CDK18: variants seen among roughly 807,000 people sequenced by gnomAD.
CDK18 encodes cyclin-dependent kinase 18.
In CDK18, 52 loss-of-function variants were observed where a neutral mutation model predicts 62.0. The ratio of observed to expected loss-of-function variants is 0.84; its 90% confidence interval spans 0.67 to 1.06. The LOEUF (loss-of-function observed/expected upper bound fraction) is 1.06, where lower values mean the gene tolerates loss of function less well. CDK18 is among the 50% of genes least tolerant of loss of function. CDK18 has a pLI of 0.00. For synonymous variants in CDK18, 237 were observed against 247.0 expected, an observed-to-expected ratio of 0.96 and a Z score of 0.38; for missense variants, 604 against 619.9, an observed-to-expected ratio of 0.97 and a Z score of 0.27.
At chr1:205,523,046 G>A in intron 1 of CDK18, 101 bp from the exon 2 acceptor site, 3 of 1,321,044 alleles carry the variant, frequency 2.3e-6, no homozygotes, top group Non-Finnish European at 3.1e-6. Context: ...GTGGCATACA[G>A]GGCGACAGAG....
Position 205,528,052 on chromosome 1 carries a change from GGC to G in CDK18, c.859_860del (p.Ala287GlnfsTer13). ...CAGTGACATGTCTGCCCCCAGGACTGGCCAGGGCCAAGTCAGTGCCCACAAAG... is the reference window on the plus strand; with the variant it reads ...CAGTGACATGTCTGCCCCCAGGACTGCAGGGCCAAGTCAGTGCCCACAAAG... ...GELKLADFGL[A>X]RAKSVPTKTY... On this transcript the variant is annotated frameshift_variant, in exon 10 of 16. Transcript: ENST00000429964. LOFTEE classifies it high-confidence loss of function. The surrounding 1 kb of genome is among the most constrained non-coding windows in gnomAD (Gnocchi z 4.2). The G allele has an allele frequency of 1.9e-6, 3 of 1,614,172 alleles. No homozygotes were observed. Among genetic ancestry groups the G allele is most frequent in the Non-Finnish European group, 2.5e-6 (3 of 1,180,004 alleles).
At position 205,526,845 on chromosome 1, in the gene CDK18, C is replaced by A. The variant is rs772705853; in HGVS notation, c.729+8C>A. The A allele has an allele frequency of 6.2e-7, 1 of 1,611,978 alleles. No individual in the cohort carries two copies. Among genetic ancestry groups the A allele is most frequent in the Non-Finnish European group, 8.5e-7 (1 of 1,178,014 alleles). ...AGCATGCACAACGTCAAGGTGAGGC[C>A]TCGGGGGCAGGGTCCCCCCATCTTG... On this transcript the variant is annotated splice_region_variant and intron_variant, in intron 8 of 15. Coordinates refer to ENST00000429964, the MANE Select transcript of CDK18 (RefSeq NM_212502.3).
At chr1:205,507,144 C>T (rs1171360815) in intron 1 of CDK18, among the ~76,000 whole-genome samples, 1 of 152,186 alleles carries the variant, frequency 6.6e-6, no homozygotes, top group Non-Finnish European at 1.5e-5. Flanking sequence ...GCATCTCCAT[C>T]TACCTGTCCT....
At chr1:205,531,180 A>C (rs1300986624) in intron 15 of CDK18, among the ~76,000 whole-genome samples, 164 bp from the exon 16 acceptor site, 2 of 152,212 alleles carry the variant, frequency 1.3e-5, no homozygotes, top group Admixed American at 1.3e-4. Context: ...GCAGCTAGTA[A>C]GTAGCAGAGA....
At chr1:205,508,631 G>GCC (rs1667420522) in intron 1 of CDK18, among the ~76,000 whole-genome samples, 1 of 152,194 alleles carries the variant, frequency 6.6e-6, no homozygotes, top group Non-Finnish European at 1.5e-5. Flanking sequence ...GATTGCTTGA[G>GCC]CCCAGGAGGT....
rs762381191 is a variant in CDK18, at chr1:205,529,447, C to T, written c.1178+18C>T. The stretch of plus-strand genomic sequence containing the variant: ...GCGCCCAGGTAGCCCCTGCGCCCGC[C>T]GCCCCTCCTGCTGCGGCCCTGGCTC... On this transcript the variant is annotated intron_variant, in intron 12 of 15. Transcript: ENST00000429964. The T allele has an allele frequency of 4.4e-5, 71 of 1,611,512 alleles. No homozygotes were observed. The highest frequency in any genetic ancestry group is 5.8e-5 in the Non-Finnish European group (68 of 1,178,400).
In CDK18 at chr1:205,517,893, T is replaced by C. The variant is rs61251983; in HGVS notation, c.-21-5254T>C. On this transcript the variant is annotated intron_variant, in intron 1 of 15. Transcript: ENST00000429964. The surrounding 1 kb of genome is among the most constrained non-coding windows in gnomAD (Gnocchi z 4.1). ...GCGTGTTAAAGCCTCAGTGTGATCA[T>C]GTCACTCATCCGTTCAAACCCTCCT... is the stretch of plus-strand genomic sequence containing the variant. Among the ~76,000 whole-genome samples, 2,238 of 152,190 alleles carry C rather than the reference T, an allele frequency of 0.015. 60 individuals carry two copies. The highest frequency in any genetic ancestry group is 0.05 in the African/African-American group (2,094 of 41,494).
At chr1:205,510,827 G>A (rs974693425) in intron 1 of CDK18, among the ~76,000 whole-genome samples, 3 of 152,230 alleles carry the variant, frequency 2.0e-5, no homozygotes, top group Non-Finnish European at 4.4e-5. Flanking sequence ...CTGCTGGTCT[G>A]AGGCTCCGAC....
At chr1:205,511,995 A>G (rs1478201973) in intron 1 of CDK18, among the ~76,000 whole-genome samples, 1 of 152,180 alleles carries the variant, frequency 6.6e-6, no homozygotes, top group Non-Finnish European at 1.5e-5. Flanking sequence ...CAGAAGTTGC[A>G]CTGAGCCAAG....
intron 1 of CDK18, among the ~76,000 whole-genome samples, chr1:205,513,601 C>T (rs564395680): frequency 2.6e-5 from 4 of 152,300 alleles, no homozygotes; most frequent in South Asian, 2.1e-4. Context: ...GATAGGAGGT[C>T]GTGTGGGGTC....
rs1053258924 is a variant in CDK18, at chr1:205,516,572, A to C, written c.-21-6575A>C. 6.6e-6 allele frequency among the ~76,000 whole-genome samples: 1 copy of C among 152,156 alleles called. No individual in the cohort carries two copies. Among genetic ancestry groups the C allele is most frequent in the Non-Finnish European group, 1.5e-5 (1 of 68,020 alleles). ...TGCTCCACATGTGCCTGTAAAGCAG[A>C]CACATGCCTGCTGTATGCCACCAGC... On this transcript the variant is annotated intron_variant, in intron 1 of 15. Transcript: ENST00000429964. The surrounding 1 kb of genome is among the most constrained non-coding windows in gnomAD (Gnocchi z 4.8).
chr1:205,521,961 GCT>G (rs975774554), intron 1 of CDK18, among the ~76,000 whole-genome samples: 1 of 152,200 alleles, frequency 6.6e-6, no homozygotes, highest in Admixed American at 6.5e-5. Flanking sequence ...CCATCATAGG[GCT>G]CACCCCCTGG....
chr1:205,514,973 G>A (rs1418558219), intron 1 of CDK18, among the ~76,000 whole-genome samples: 1 of 152,112 alleles, frequency 6.6e-6, no homozygotes, highest in Non-Finnish European at 1.5e-5. Context: ...AAAAATTGAG[G>A]AAGGGCATCC....
Position 205,531,468 on chromosome 1 carries a change from TG to T in CDK18, c.*91del. ...GGAGCCTGTGTGGCCCTCGGAGGAC[TG>T]AAGAACGAGGGCTGACAGCCAGCCT... On this transcript the variant is annotated 3_prime_UTR_variant, in exon 16 of 16. Coordinates refer to ENST00000429964, the MANE Select transcript of CDK18 (RefSeq NM_212502.3). 8.0e-7 allele frequency: 1 copy of T among 1,253,562 alleles called. No individual in the cohort carries two copies. The allele number at this position is 1,253,562 out of a possible 1,614,324, so 77.7% of individuals were successfully genotyped here. A position where few individuals can be genotyped will look rare whatever the true frequency, so the allele number is the denominator to read the frequency against.
rs1266248134 is a variant in CDK18 at position 205,525,163 on chromosome 1, G to A, written c.424G>A (p.Glu142Lys). ...SLSDIGFGKLETYVKLDKLGE... is the reference protein window; with the variant it reads ...SLSDIGFGKLKTYVKLDKLGE... ...GTCAGACATTGGCTTTGGGAAACTG[G>A]AAACATACGTGAAACTGGACAAACT... The change falls in exon 5 of 16, where the codon GAA becomes AAA. Residue 142 changes from glutamate to lysine, a missense_variant. Glu to Lys is a moderately conservative substitution (Grantham distance 56). Coordinates refer to ENST00000429964, the MANE Select transcript of CDK18 (RefSeq NM_212502.3). The A allele has an allele frequency of 6.2e-7, 1 of 1,610,016 alleles. No individual in the cohort carries two copies. Among genetic ancestry groups the A allele is most frequent in the South Asian group, 1.1e-5 (1 of 90,612 alleles).
chr1:205,511,192 G>T (rs1483723779), intron 1 of CDK18, among the ~76,000 whole-genome samples: 1 of 152,222 alleles, frequency 6.6e-6, no homozygotes, highest in Non-Finnish European at 1.5e-5. Flanking sequence ...AAAGTCAAAA[G>T]AAGAAAATAA....
At chr1:205,530,751 C>A in intron 15 of CDK18, 46 bp downstream of exon 15, 1 of 1,523,298 alleles carries the variant, frequency 6.6e-7, no homozygotes, top group Non-Finnish European at 9.1e-7. Flanking sequence ...TTAGTGGAAG[C>A]CAGAGCAGGC....
chr1:205,509,130 G>GAAACA (rs796147125), intron 1 of CDK18, among the ~76,000 whole-genome samples: 8 of 152,190 alleles, frequency 5.3e-5, no homozygotes, highest in Non-Finnish European at 8.8e-5. Flanking sequence ...GCCTGGGCGA[G>GAAACA]AAACAAAACA....
rs938848269 is a variant in CDK18, at chr1:205,516,228, C to G, written c.-21-6919C>G. Among the ~76,000 whole-genome samples the G allele has an allele frequency of 6.6e-6, 1 of 152,166 alleles. No individual in the cohort carries two copies. Among genetic ancestry groups the G allele is most frequent in the Non-Finnish European group, 1.5e-5 (1 of 68,034 alleles). On this transcript the variant is annotated intron_variant, in intron 1 of 15. Transcript: ENST00000429964. The surrounding 1 kb of genome is among the most constrained non-coding windows in gnomAD (Gnocchi z 4.8). ...TTCTCCCTGGGAGGAGGGAGTGTCT[C>G]TGAGGTCCTAGCTCATGACGTCTGC...
Sources: allele counts gnomAD v4.1 joint callset (sites outside exome capture counted in the v4.1 genomes callset), GRCh38; gene constraint gnomAD v4.1.1; non-coding constraint Gnocchi (gnomAD v3.1); transcripts MANE v1.5; gene names NCBI Gene and HGNC (gene_info 2026-07-23, HGNC 2026-07-21).